FUT9: variants seen among roughly 807,000 people sequenced by gnomAD.
The protein encoded by FUT9 is 4-galactosyl-N-acetylglucosaminide 3-alpha-L-fucosyltransferase 9.
In FUT9, 15 loss-of-function variants were observed where a neutral mutation model predicts 29.7. That is an observed-to-expected ratio of 0.51 (90% CI 0.34 to 0.78). The LOEUF (loss-of-function observed/expected upper bound fraction) is 0.78, where lower values mean the gene tolerates loss of function less well. Ranked by LOEUF, FUT9 falls within the 30% of genes least tolerant of loss-of-function variation. The pLI, the probability that FUT9 is intolerant of heterozygous loss-of-function variation, is 0.01. For missense variants in FUT9, 319 were observed against 425.4 expected, an observed-to-expected ratio of 0.75 and a Z score of 2.20; for synonymous variants, 169 against 153.7, an observed-to-expected ratio of 1.10 and a Z score of -0.74.
intron 1 of FUT9, among the ~76,000 whole-genome samples, chr6:96,062,088 C>T (rs1266632809): frequency 6.6e-6 from 1 of 151,988 alleles, no homozygotes; most frequent in Non-Finnish European, 1.5e-5. Flanking sequence ...ATACCTAATG[C>T]AGATGACGGG....
chr6:96,177,608 T>C (rs1186296570), intron 2 of FUT9, among the ~76,000 whole-genome samples: 1 of 152,138 alleles, frequency 6.6e-6, no homozygotes, highest in East Asian at 1.9e-4. Context: ...TGGTTTGTGT[T>C]CCAGCCCCAA....
chr6:96,173,261 T>C (rs148390216), intron 2 of FUT9, among the ~76,000 whole-genome samples: 3 of 151,464 alleles, frequency 2.0e-5, no homozygotes, highest in African/African-American at 7.4e-5. Context: ...CTCTGTAGAA[T>C]TATGCCTTAT....
chr6:96,048,201 A>T lies in FUT9; in HGVS notation c.-98+31989A>T, dbSNP rs1027221758. On this transcript the variant is annotated intron_variant, in intron 1 of 2. Transcript: ENST00000302103. ...TATTGGGCCCTCCAGAAAATCCAGG[A>T]TATCACTTGATCTTAAGGTTTTTAA... Among the ~76,000 whole-genome samples the T allele has an allele frequency of 1.1e-3, 162 of 152,272 alleles. 1 individual carries two copies. Among genetic ancestry groups the T allele is most frequent in the African/African-American group, 3.9e-3 (160 of 41,556 alleles).
chr6:96,040,832 A>G (rs754364611), intron 1 of FUT9, among the ~76,000 whole-genome samples: 31 of 152,234 alleles, frequency 2.0e-4, no homozygotes, highest in Non-Finnish European at 4.1e-4. Flanking sequence ...AAGATGGCCA[A>G]GTTTGTTGAA....
intron 2 of FUT9, among the ~76,000 whole-genome samples, chr6:96,119,698 C>T (rs1771983483): frequency 6.6e-6 from 1 of 152,160 alleles, no homozygotes; most frequent in South Asian, 2.1e-4. Context: ...CATCACTATG[C>T]CCATCTGCTG....
At chr6:96,071,286 T>G (rs1423598982) in intron 1 of FUT9, among the ~76,000 whole-genome samples, 5 of 152,124 alleles carry the variant, frequency 3.3e-5, no homozygotes, top group Non-Finnish European at 7.4e-5. Flanking sequence ...TGAGGAAGTA[T>G]GTGGGGCTAT....
At chr6:96,186,783 T>C (rs978048158) in intron 2 of FUT9, among the ~76,000 whole-genome samples, 17 of 152,044 alleles carry the variant, frequency 1.1e-4, no homozygotes, top group Non-Finnish European at 5.9e-5. Context: ...AGATCCATGC[T>C]CCAGTTCAAC....
intron 2 of FUT9, among the ~76,000 whole-genome samples, chr6:96,174,371 C>T (rs1773166505): frequency 6.6e-6 from 1 of 151,984 alleles, no homozygotes; most frequent in African/African-American, 2.4e-5. Context: ...AAATGGTTGA[C>T]CAGATGTTTT....
At chr6:96,063,248 G>A (rs534023141) in intron 1 of FUT9, among the ~76,000 whole-genome samples, 1 of 152,154 alleles carries the variant, frequency 6.6e-6, no homozygotes, top group Non-Finnish European at 1.5e-5. Context: ...CAGAGGCTGG[G>A]TAATTCTTAA....
At chr6:96,142,172 C>T (rs575752305) in intron 2 of FUT9, among the ~76,000 whole-genome samples, 1 of 151,998 alleles carries the variant, frequency 6.6e-6, no homozygotes, top group East Asian at 1.9e-4. Context: ...AAAATCAATC[C>T]CATTTAAATT....
chr6:96,106,960 T>C (rs901851080), intron 1 of FUT9, among the ~76,000 whole-genome samples: 1 of 152,252 alleles, frequency 6.6e-6, no homozygotes, highest in Non-Finnish European at 1.5e-5. Context: ...ACTTTATGTA[T>C]GTCTGCCTTC....
At position 96,208,929 on chromosome 6, in the gene FUT9, G is replaced by T. The variant is rs549618506; in HGVS notation, c.*4694G>T. 7 of 166,372 alleles carry T rather than the reference G, an allele frequency of 4.2e-5. No homozygotes were observed. In the East Asian group the frequency reaches 1.2e-3, roughly 28 times the overall value. The allele number at this position is 166,372 out of a possible 1,614,324, so 10.3% of individuals were successfully genotyped here. A position where few individuals can be genotyped will look rare whatever the true frequency, so the allele number is the denominator to read the frequency against. On this transcript the variant is annotated 3_prime_UTR_variant, in exon 3 of 3. Coordinates refer to ENST00000302103, the MANE Select transcript of FUT9 (RefSeq NM_006581.4). ...TTTTTTCTGGATGTCTCAATCTAGA[G>T]ATTTTGTAGCATTTTGCAAATGGGT...
At chr6:96,108,329 G>C (rs1771731810) in intron 1 of FUT9, among the ~76,000 whole-genome samples, 1 of 152,240 alleles carries the variant, frequency 6.6e-6, no homozygotes, top group South Asian at 2.1e-4. Flanking sequence ...GAATCAATCT[G>C]TCTGGGTTCC....
intron 1 of FUT9, among the ~76,000 whole-genome samples, chr6:96,051,519 G>T (rs191429684): frequency 9.9e-5 from 15 of 152,092 alleles, no homozygotes; most frequent in African/African-American, 3.6e-4. Flanking sequence ...TGGGCATGGT[G>T]GTGTGTGCCT....
intron 1 of FUT9, among the ~76,000 whole-genome samples, chr6:96,095,935 T>A (rs1488147032): frequency 6.6e-6 from 1 of 152,154 alleles, no homozygotes; most frequent in Non-Finnish European, 1.5e-5. Flanking sequence ...TCATATTACA[T>A]GATGTGATGT....
chr6:96,080,690 A>G (rs936386527), intron 1 of FUT9, among the ~76,000 whole-genome samples: 2 of 151,946 alleles, frequency 1.3e-5, no homozygotes, highest in Non-Finnish European at 2.9e-5. Context: ...TCCTTCCTAA[A>G]GTGGTCATAT....
intron 1 of FUT9, among the ~76,000 whole-genome samples, chr6:96,033,350 G>A (rs1286667920): frequency 6.6e-6 from 1 of 151,472 alleles, no homozygotes; most frequent in African/African-American, 2.4e-5. Flanking sequence ...ACTAATTAAA[G>A]CTGCTAAACA....
intron 1 of FUT9, among the ~76,000 whole-genome samples, chr6:96,091,230 G>A (rs781596027): frequency 6.6e-6 from 1 of 151,982 alleles, no homozygotes; most frequent in African/African-American, 2.4e-5. Flanking sequence ...CGTTATTTAC[G>A]TATTCTTCCC....
rs189833572 is a variant in FUT9 at position 96,210,083 on chromosome 6, T to C, written c.*5848T>C. The stretch of plus-strand genomic sequence containing the variant: ...AGCTTCTGAATCTCTGGGTGTGAGA[T>C]GGGACCAGGAATCTTATTTTAAAAA... On this transcript the variant is annotated 3_prime_UTR_variant, in exon 3 of 3. Transcript: ENST00000302103. The C allele has an allele frequency of 4.2e-5, 7 of 167,036 alleles. No individual in the cohort carries two copies. The highest frequency in any genetic ancestry group is 8.8e-5 in the Non-Finnish European group (6 of 68,046). The allele number at this position is 167,036 out of a possible 1,614,324, so 10.3% of individuals were successfully genotyped here.
Sources: gnomAD v4.1 joint callset for allele counts (sites outside exome capture counted in the v4.1 genomes callset) on GRCh38, gnomAD v4.1.1 for gene constraint, MANE v1.5 for transcripts, NCBI Gene and HGNC (gene_info 2026-07-23, HGNC 2026-07-21) for gene names.